Variants in ABCC3 observed in about 807,000 individuals in gnomAD.
ABCC3 encodes ATP binding cassette subfamily C member 3.
In ABCC3, 121 loss-of-function variants were observed where a neutral mutation model predicts 165.3. The ratio of observed to expected loss-of-function variants is 0.73; its 90% CI spans 0.63 to 0.85. ABCC3 has a LOEUF of 0.85. Ranked by LOEUF, ABCC3 falls within the 40% of genes least tolerant of loss-of-function variation. The pLI is 0.00. For synonymous variants in ABCC3, 733 were observed against 810.1 expected, an observed-to-expected ratio of 0.90 and a Z score of 1.62; for missense variants, 1,869 against 1,964.1, an observed-to-expected ratio of 0.95 and a Z score of 0.92.
intron 17 of ABCC3, 137 bp from the exon 18 acceptor site, chr17:50,672,834 T>C: frequency 1.4e-6 from 1 of 724,782 alleles, no homozygotes; most frequent in Non-Finnish European, 2.2e-6. Flanking sequence ...ATCGCACCAC[T>C]GCACTCCAGC....
chr17:50,664,728 G>C, intron 10 of ABCC3: 1 of 126,186 alleles, frequency 7.9e-6, no homozygotes, highest in South Asian at 2.3e-4. Flanking sequence ...AAAAAAAAAA[G>C]AATTGACACA....
intron 10 of ABCC3, 194 bp downstream of exon 10, chr17:50,664,305 C>T: frequency 1.5e-6 from 1 of 658,526 alleles, no homozygotes; most frequent in Non-Finnish European, 2.6e-6. Flanking sequence ...ATAGCCACCA[C>T]ACTCCAGCCT....
chr17:50,649,716 AGAAGGAAG>A (rs757041081), intron 1 of ABCC3, among the ~76,000 whole-genome samples: 1 of 151,280 alleles, frequency 6.6e-6, no homozygotes, highest in Admixed American at 6.6e-5. Flanking sequence ...AGGGAAAGAA[AGAAGGAAG>A]GAAGGAAGGA....
intron 29 of ABCC3, among the ~76,000 whole-genome samples, chr17:50,685,076 C>T (rs1192440330): frequency 6.6e-6 from 1 of 152,216 alleles, no homozygotes; most frequent in Non-Finnish European, 1.5e-5. Context: ...CAGCGGTGGT[C>T]CATGATCCCA....
intron 15 of ABCC3, 83 bp from the exon 16 acceptor site, chr17:50,669,057 G>A: frequency 6.3e-7 from 1 of 1,596,588 alleles, no homozygotes; most frequent in Non-Finnish European, 8.6e-7. Context: ...GAAGGGCGGA[G>A]GGCTTGGTTC....
At chr17:50,680,750 T>C (rs1967913374) in intron 26 of ABCC3, among the ~76,000 whole-genome samples, 1 of 152,132 alleles carries the variant, frequency 6.6e-6, no homozygotes, top group Non-Finnish European at 1.5e-5. Context: ...CCCACCAATC[T>C]GCCTTCTTCA....
chr17:50,670,541 A>G (rs1967626192), intron 17 of ABCC3, among the ~76,000 whole-genome samples: 1 of 152,236 alleles, frequency 6.6e-6, no homozygotes, highest in African/African-American at 2.4e-5. Context: ...CTCTACCTTC[A>G]TATAGCTCAC....
chr17:50,641,309 T>A (rs1252164867), intron 1 of ABCC3, among the ~76,000 whole-genome samples: 7 of 152,166 alleles, frequency 4.6e-5, no homozygotes, highest in Non-Finnish European at 7.3e-5. Flanking sequence ...GAGGGGGCTG[T>A]GGGCTCAGCT....
At chr17:50,666,300 C>T (rs1327756229) in intron 11 of ABCC3, among the ~76,000 whole-genome samples, 2 of 152,000 alleles carry the variant, frequency 1.3e-5, no homozygotes, top group East Asian at 1.9e-4. Flanking sequence ...GGAGAAACCC[C>T]GTCTCTACTA....
chr17:50,680,236 G>A (rs1017020786), intron 26 of ABCC3, among the ~76,000 whole-genome samples: 5 of 152,172 alleles, frequency 3.3e-5, no homozygotes, highest in Admixed American at 1.3e-4. Context: ...CAGGGGAGAC[G>A]AGCTTAGATG....
intron 30 of ABCC3, among the ~76,000 whole-genome samples, chr17:50,690,398 A>G (rs1366195556): frequency 6.6e-6 from 1 of 152,110 alleles, no homozygotes; most frequent in East Asian, 1.9e-4. Context: ...TTCCCAGGAC[A>G]CATCTGGGAG....
At chr17:50,660,422 G>A (rs938375707) in intron 7 of ABCC3, among the ~76,000 whole-genome samples, 2 of 152,164 alleles carry the variant, frequency 1.3e-5, no homozygotes, top group Non-Finnish European at 2.9e-5. Context: ...CGGAGCTTCC[G>A]GTTGTCACCA....
chr17:50,688,218 G>T (rs1025410721), intron 30 of ABCC3, among the ~76,000 whole-genome samples: 1 of 152,070 alleles, frequency 6.6e-6, no homozygotes, highest in Non-Finnish European at 1.5e-5. Context: ...CTTCAACAAT[G>T]ACATTTTCTA....
rs747504790 is a variant in ABCC3 at position 50,673,571 on chromosome 17, C to T, written c.2512C>T (p.Leu838=). 3.1e-6 allele frequency: 5 copies of T among 1,614,214 alleles called. No individual in the cohort carries two copies. In the South Asian group the frequency reaches 5.5e-5, roughly 18 times the overall value. Residue 838 remains leucine, a synonymous_variant, in exon 19 of 31, where the codon CTG becomes TTG. Coordinates refer to ENST00000285238, the MANE Select transcript of ABCC3 (RefSeq NM_003786.4). ...QVSEMGPYPA[L]LQRNGSFANF... ...GTCTGAGATGGGCCCGTACCCAGCCCTGCTGCAGCGCAACGGCTCCTTTGC... is the reference window on the plus strand; with the variant it reads ...GTCTGAGATGGGCCCGTACCCAGCCTTGCTGCAGCGCAACGGCTCCTTTGC...
At position 50,668,888 on chromosome 17, in the gene ABCC3, T is replaced by C; in HGVS notation, c.1906T>C (p.Trp636Arg). 1 of 1,614,004 alleles carries C rather than the reference T, an allele frequency of 6.2e-7. No individual in the cohort carries two copies. Among genetic ancestry groups the C allele is most frequent in the Non-Finnish European group, 8.5e-7 (1 of 1,179,948 alleles). Residue 636 changes from tryptophan to arginine, a missense_variant, in exon 15 of 31, where the codon TGG becomes CGG. Trp to Arg is a moderately radical substitution (Grantham distance 101, BLOSUM62 -3). Coordinates refer to ENST00000285238, the MANE Select transcript of ABCC3 (RefSeq NM_003786.4). The stretch of plus-strand genomic sequence containing the variant: ...CACCATACACAGTGGCACCTTCACC[T>C]GGGCCCAGGACCTGCCCCCCACTCT... Reference protein sequence around the residue: ...AITIHSGTFTWAQDLPPTLHS... With the variant: ...AITIHSGTFTRAQDLPPTLHS...
At chr17:50,635,011 CG>C (rs1168396154) in intron 1 of ABCC3, 30 bp downstream of exon 1, 17 of 1,254,426 alleles carry the variant, frequency 1.4e-5, no homozygotes, top group Non-Finnish European at 1.5e-5. Context: ...GGTCACTGCG[CG>C]GGGGCCAGGG....
At chr17:50,684,921 G>C (rs1380868849) in intron 29 of ABCC3, 46 bp downstream of exon 29, 1 of 1,596,480 alleles carries the variant, frequency 6.3e-7, no homozygotes, top group African/African-American at 1.3e-5. Flanking sequence ...CCCTCCCTGG[G>C]AAACCCTGGC....
intron 30 of ABCC3, chr17:50,688,408 C>T (rs568083260): frequency 3.3e-4 from 51 of 152,492 alleles, no homozygotes; most frequent in African/African-American, 1.2e-3. Context: ...TGGTGTCTCA[C>T]AGCCACTCTG....
At chr17:50,659,433 G>T in intron 7 of ABCC3, 65 bp downstream of exon 7, 3 of 1,539,062 alleles carry the variant, frequency 1.9e-6, no homozygotes, top group African/African-American at 1.4e-5. Flanking sequence ...TGCAGAGGAC[G>T]CTGGTAGACC....
Sources: gnomAD v4.1 joint callset for allele counts (sites outside exome capture counted in the v4.1 genomes callset) on GRCh38, gnomAD v4.1.1 for gene constraint, MANE v1.5 for transcripts, NCBI Gene and HGNC (gene_info 2026-07-23, HGNC 2026-07-21) for gene names.